The following IL1RAPL1 variants were observed in gnomAD, a reference collection of about 807,000 sequenced individuals.
IL1RAPL1 encodes interleukin 1 receptor accessory protein like 1.
In IL1RAPL1, 3 loss-of-function variants were observed where a neutral mutation model predicts 48.4. The observed-to-expected ratio is 0.06, with a 90% CI of 0.03 to 0.16. IL1RAPL1 has a LOEUF of 0.16. IL1RAPL1 is among the 10% of genes least tolerant of loss of function. The pLI is 1.00. For missense variants in IL1RAPL1, 349 were observed against 530.6 expected, an observed-to-expected ratio of 0.66 and a Z score of 3.36; for synonymous variants, 185 against 187.7, an observed-to-expected ratio of 0.99 and a Z score of 0.12.
intron 3 of IL1RAPL1, among the ~76,000 whole-genome samples, chrX:29,372,727 C>A (rs567797391): frequency 1.9e-5 from 2 of 107,223 alleles, no homozygotes; most frequent in African/African-American, 6.8e-5. Flanking sequence ...TGTAGGTGTG[C>A]AGCTTTATTT....
At chrX:29,368,115 CTT>C (rs774724524) in intron 3 of IL1RAPL1, among the ~76,000 whole-genome samples, 74 of 111,025 alleles carry the variant, frequency 6.7e-4, no homozygotes, top group African/African-American at 2.3e-3. Flanking sequence ...CATGTACAGT[CTT>C]TATTCTTGTT....
At chrX:29,211,644 A>G (rs138250112) in intron 2 of IL1RAPL1, among the ~76,000 whole-genome samples, 125 of 111,379 alleles carry the variant, frequency 1.1e-3, no homozygotes, top group African/African-American at 3.9e-3. Flanking sequence ...AAAACATTCA[A>G]TTGGGAGTAG....
intron 5 of IL1RAPL1, among the ~76,000 whole-genome samples, chrX:29,461,155 A>G (rs1401854555): frequency 8.9e-6 from 1 of 111,813 alleles, no homozygotes; most frequent in Non-Finnish European, 1.9e-5. Context: ...AGATATACAA[A>G]TGGCCAACAA....
At chrX:29,445,243 T>G (rs1312646021) in intron 5 of IL1RAPL1, among the ~76,000 whole-genome samples, 1 of 112,133 alleles carries the variant, frequency 8.9e-6, no homozygotes, top group Non-Finnish European at 1.9e-5. Flanking sequence ...AAAACAGATT[T>G]CTCTATGAGG....
intron 6 of IL1RAPL1, among the ~76,000 whole-genome samples, chrX:29,775,906 T>C (rs1345607978): frequency 9.0e-6 from 1 of 111,370 alleles, no homozygotes; most frequent in Non-Finnish European, 1.9e-5. Flanking sequence ...ACTCTGACAG[T>C]AATTTTTGAC....
intron 5 of IL1RAPL1, among the ~76,000 whole-genome samples, chrX:29,524,179 CTT>C (rs5901924): frequency 0.022 from 1,702 of 77,535 alleles, 46 homozygotes; most frequent in African/African-American, 0.075. Flanking sequence ...TTTCACTTGG[CTT>C]TTTTTTTTTT....
At chrX:28,653,012 G>T (rs1934703009) in intron 1 of IL1RAPL1, among the ~76,000 whole-genome samples, 1 of 111,558 alleles carries the variant, frequency 9.0e-6, no homozygotes, top group Non-Finnish European at 1.9e-5. Flanking sequence ...ACACGCGCAG[G>T]TAGAGCCAAT....
intron 1 of IL1RAPL1, among the ~76,000 whole-genome samples, chrX:28,590,630 C>A (rs1275085029): frequency 8.9e-6 from 1 of 111,781 alleles, no homozygotes; most frequent in East Asian, 2.8e-4. Context: ...GTCAGGGTAG[C>A]ACAACAGCTG....
intron 3 of IL1RAPL1, among the ~76,000 whole-genome samples, chrX:29,357,739 A>C (rs992207936): frequency 1.8e-5 from 2 of 112,210 alleles, no homozygotes; most frequent in Non-Finnish European, 3.7e-5. Context: ...TTCTTGGCTG[A>C]CACTCCTATA....
At chrX:29,228,832 A>G (rs1283158141) in intron 2 of IL1RAPL1, among the ~76,000 whole-genome samples, 1 of 111,387 alleles carries the variant, frequency 9.0e-6, no homozygotes, top group Non-Finnish European at 1.9e-5. Context: ...TTGTTTCACT[A>G]TCATCCGTAT....
chrX:29,802,781 ATGTGTG>A lies in IL1RAPL1; in HGVS notation c.779-114677_779-114672del, dbSNP rs1262811121. ...TATATATATATATATATATATATAT[ATGTGTG>A]TGTGTATATATATATATATATATGT... On this transcript the variant is annotated intron_variant, in intron 6 of 10. Transcript: ENST00000378993. Among the ~76,000 whole-genome samples, 131 of 32,591 alleles carry A rather than the reference ATGTGTG, an allele frequency of 4.0e-3. 1 individual carries two copies. Among genetic ancestry groups the A allele is most frequent in the Non-Finnish European group, 5.7e-3 (113 of 19,954 alleles). 28.3% of individuals were successfully genotyped at this position (32,591 alleles called of 115,157 possible).
intron 2 of IL1RAPL1, among the ~76,000 whole-genome samples, chrX:28,971,573 A>G (rs916256946): frequency 1.8e-5 from 2 of 112,222 alleles, no homozygotes; most frequent in African/African-American, 3.2e-5. Flanking sequence ...TCACTAATAC[A>G]TGGGTAGAGT....
At chrX:29,949,538 TGTGAACAGAATTATA>T (rs1222572814) in intron 9 of IL1RAPL1, among the ~76,000 whole-genome samples, 1 of 112,235 alleles carries the variant, frequency 8.9e-6, no homozygotes, top group Non-Finnish European at 1.9e-5. Context: ...TCATCTCTGC[TGTGAACAGAATTATA>T]GTTGATGCTT....
At chrX:29,740,122 G>GAAAAAAAAAAAAAAAAAAA (rs1172511347) in intron 6 of IL1RAPL1, among the ~76,000 whole-genome samples, 3 of 52,331 alleles carry the variant, frequency 5.7e-5, no homozygotes, top group South Asian at 1.2e-3. Flanking sequence ...CAAAAAAACA[G>GAAAAAAAAAAAAAAAAAAA]AAAAAAAAAA....
chrX:29,826,126 T>C (rs1930734158), intron 6 of IL1RAPL1, among the ~76,000 whole-genome samples: 1 of 111,912 alleles, frequency 8.9e-6, no homozygotes, highest in Non-Finnish European at 1.9e-5. Flanking sequence ...AATCCTGTGT[T>C]CTTACCTCCA....
At chrX:29,676,760 A>G (rs964254581) in intron 6 of IL1RAPL1, among the ~76,000 whole-genome samples, 4 of 111,716 alleles carry the variant, frequency 3.6e-5, no homozygotes, top group African/African-American at 1.3e-4. Flanking sequence ...GACCTGGAAA[A>G]TAATTTTCCA....
chrX:29,492,260 T>C (rs1286375827), intron 5 of IL1RAPL1, among the ~76,000 whole-genome samples: 1 of 112,520 alleles, frequency 8.9e-6, no homozygotes, highest in Non-Finnish European at 1.9e-5. Context: ...TTATGCTTCG[T>C]GTATTTTCTA....
intron 3 of IL1RAPL1, among the ~76,000 whole-genome samples, chrX:29,373,942 A>G (rs1263444190): frequency 1.2e-5 from 1 of 82,378 alleles, no homozygotes. Context: ...TCCTGGCCTC[A>G]GGCAGTCCTC....
intron 2 of IL1RAPL1, among the ~76,000 whole-genome samples, chrX:28,907,031 T>G (rs1249372202): frequency 9.3e-6 from 1 of 107,108 alleles, no homozygotes; most frequent in African/African-American, 3.4e-5. Context: ...AGTAACCAGG[T>G]TTTTTTTTTA....
Sources: allele counts gnomAD v4.1 joint callset (sites outside exome capture counted in the v4.1 genomes callset), GRCh38; gene constraint gnomAD v4.1.1; transcripts MANE v1.5; gene names NCBI Gene and HGNC (gene_info 2026-07-23, HGNC 2026-07-21).